The following CELF6 variants were observed in gnomAD, a reference collection of about 807,000 sequenced individuals.
CELF6 encodes the protein CUGBP Elav-like family member 6.
CELF6 carries 32 observed loss-of-function variants against 53.1 expected under a neutral mutation model. That is an observed-to-expected ratio of 0.60 (90% CI 0.46 to 0.81). CELF6 has a LOEUF of 0.81. Ranked by LOEUF, CELF6 falls within the 30% of genes least tolerant of loss-of-function variation. CELF6 has a pLI of 0.00. For synonymous variants in CELF6, 291 were observed against 288.8 expected, an observed-to-expected ratio of 1.01 and a Z score of -0.08; for missense variants, 539 against 669.5, an observed-to-expected ratio of 0.81 and a Z score of 2.15.
chr15:72,293,732 C>G (rs984366227), intron 3 of CELF6, among the ~76,000 whole-genome samples: 18 of 148,434 alleles, frequency 1.2e-4, no homozygotes, highest in African/African-American at 4.2e-4. Context: ...CTTGCTCTGT[C>G]ACCCAAGCTG....
chr15:72,318,500 A>G (rs1443877679), intron 1 of CELF6, among the ~76,000 whole-genome samples: 3 of 152,148 alleles, frequency 2.0e-5, no homozygotes, highest in African/African-American at 7.2e-5. Flanking sequence ...GGAGGAGATA[A>G]GAGTGTTCCT....
At chr15:72,317,858 T>C (rs939791090) in intron 1 of CELF6, among the ~76,000 whole-genome samples, 1 of 152,076 alleles carries the variant, frequency 6.6e-6, no homozygotes, top group Admixed American at 6.6e-5. Flanking sequence ...AGAAGCCCCA[T>C]GTGGACTAGC....
intron 3 of CELF6, 85 bp from the exon 4 acceptor site, chr15:72,290,340 C>A: frequency 6.8e-7 from 1 of 1,475,724 alleles, no homozygotes; most frequent in Non-Finnish European, 9.1e-7. Flanking sequence ...GAAGGCAGCT[C>A]ACCAGTCTCA....
At chr15:72,312,240 C>T (rs544822333) in intron 2 of CELF6, among the ~76,000 whole-genome samples, 3 of 152,018 alleles carry the variant, frequency 2.0e-5, no homozygotes, top group Non-Finnish European at 4.4e-5. Context: ...AAGGAGTTCT[C>T]GAATAGGGAG....
At chr15:72,292,220 C>T in intron 3 of CELF6, 1 of 1,535,470 alleles carries the variant, frequency 6.5e-7, no homozygotes, top group Non-Finnish European at 8.7e-7. Flanking sequence ...GAACAGAGTT[C>T]CAGCTGTTGT....
chr15:72,289,295 C>A lies in CELF6; in HGVS notation c.881-8G>T. On this transcript the variant is annotated splice_polypyrimidine_tract_variant and splice_region_variant and intron_variant, in intron 7 of 12. Coordinates refer to ENST00000287202, the MANE Select transcript of CELF6 (RefSeq NM_052840.5). The surrounding 1 kb of genome is among the most constrained non-coding windows in gnomAD (Gnocchi z 7.6). ...CAGGCGGGGAGTTGGCTGCTGATGG[C>A]GGAAAAGGTCTGAGAGTCAGGCCGC... The A allele has an allele frequency of 6.4e-7, 1 of 1,561,978 alleles. No individual in the cohort carries two copies. The highest frequency in any genetic ancestry group is 8.6e-7 in the Non-Finnish European group (1 of 1,160,336).
At chr15:72,301,986 C>T (rs1403298577) in intron 3 of CELF6, among the ~76,000 whole-genome samples, 4 of 152,094 alleles carry the variant, frequency 2.6e-5, no homozygotes, top group Non-Finnish European at 5.9e-5. Flanking sequence ...CCGCCCGCCT[C>T]GGCCTCCCAA....
At chr15:72,302,393 C>T (rs1201232088) in intron 3 of CELF6, among the ~76,000 whole-genome samples, 3 of 152,224 alleles carry the variant, frequency 2.0e-5, no homozygotes, top group African/African-American at 7.2e-5. Context: ...ATTATGAGTT[C>T]TGCTGCCAGG....
chr15:72,300,272 G>GA (rs1344233180), intron 3 of CELF6, among the ~76,000 whole-genome samples: 3 of 151,314 alleles, frequency 2.0e-5, no homozygotes, highest in Admixed American at 2.0e-4. Context: ...GAGGCAGGGG[G>GA]ATCACTTGAG....
Position 72,319,833 on chromosome 15 carries a change from GGGGCCAGCGGGCTGC to G in CELF6, c.27_41del (p.Gln10_Pro14del). Reference sequence around the variant, plus strand: ...CGGTGCTGAAACCCAGGCGCGGGCCGGGGCCAGCGGGCTGCGCTGACCCTCCCGGCGCCGCGGCCA... The same window carrying G: ...CGGTGCTGAAACCCAGGCGCGGGCCGGCTGACCCTCCCGGCGCCGCGGCCA... On this transcript the variant is annotated inframe_deletion, in exon 1 of 13. Transcript: ENST00000287202. This position sits in a 1 kb window ranked among gnomAD's most constrained non-coding sequence, Gnocchi z 5.0. 1 of 1,546,726 alleles carries G rather than the reference GGGGCCAGCGGGCTGC, an allele frequency of 6.5e-7. No homozygotes were observed. The highest frequency in any genetic ancestry group is 1.2e-5 in the South Asian group (1 of 83,982).
chr15:72,299,902 C>T (rs2088130010), intron 3 of CELF6, among the ~76,000 whole-genome samples: 1 of 152,162 alleles, frequency 6.6e-6, no homozygotes, highest in Non-Finnish European at 1.5e-5. Flanking sequence ...GACCCAGATG[C>T]ACCTCTGGTA....
In CELF6 at chr15:72,319,654, T is replaced by A; in HGVS notation, c.221A>T (p.Glu74Val). The change falls in exon 1 of 13, where the codon GAG (glutamate) becomes GTG (valine). Residue 74 changes from glutamate to valine, a missense_variant. Physicochemically the swap from Glu to Val is moderately radical, Grantham distance 121. This residue lies in a region of CELF6 where 97 missense variants were observed against 168.8 expected (regional missense o/e 0.57). Coordinates refer to ENST00000287202, the MANE Select transcript of CELF6 (RefSeq NM_052840.5). The surrounding 1 kb of genome is among the most constrained non-coding windows in gnomAD (Gnocchi z 5.0). ...GAGCCGGTCCTTCAGCACCGTCAGC[T>A]CGTAGATGCGGCCGAACTCCTCGAA... The part of the protein sequence containing the change: ...PLFEEFGRIY[E>V]LTVLKDRLTG... 1 of 1,575,846 alleles carries A rather than the reference T, an allele frequency of 6.3e-7. No homozygotes were observed. Among genetic ancestry groups the A allele is most frequent in the Non-Finnish European group, 8.6e-7 (1 of 1,159,918 alleles).
chr15:72,314,596 T>TTTTTTTTTTTTTTTTTTTTC (rs2088338827), intron 2 of CELF6, among the ~76,000 whole-genome samples: 1 of 143,120 alleles, frequency 7.0e-6, no homozygotes, highest in Admixed American at 6.9e-5. Context: ...AGTGTTTTTT[T>TTTTTTTTTTTTTTTTTTTTC]TTTTTTTTTT....
chr15:72,313,139 GGTTGTCTCAGGTCACA>G (rs2088319829), intron 2 of CELF6, among the ~76,000 whole-genome samples: 3 of 152,170 alleles, frequency 2.0e-5, no homozygotes, highest in African/African-American at 7.2e-5. Context: ...TCTGCTACCT[GGTTGTCTCAGGTCACA>G]GTACAGTGGT....
intron 2 of CELF6, among the ~76,000 whole-genome samples, chr15:72,313,471 T>A (rs1402387748): frequency 6.6e-6 from 1 of 152,220 alleles, no homozygotes; most frequent in African/African-American, 2.4e-5. Flanking sequence ...GCCCTGTGTC[T>A]TGTGGAGGAG....
chr15:72,289,406 G>A lies in CELF6; in HGVS notation c.849C>T (p.Ser283=). The change falls in exon 7 of 13, where the codon AGC becomes AGT. Residue 283 remains serine, a synonymous_variant. Transcript: ENST00000287202. This position sits in a 1 kb window ranked among gnomAD's most constrained non-coding sequence, Gnocchi z 7.6. ...CGGGCAACAGAGGCGCAGCTACCAG[G>A]CTAAAGGCCGCCACGTGTTGCATCT... The part of the protein sequence containing the change: ...AAQMQHVAAF[S]LVAAPLLPAA... The A allele has an allele frequency of 6.4e-7, 1 of 1,555,128 alleles. No individual in the cohort carries two copies. The highest frequency in any genetic ancestry group is 8.6e-7 in the Non-Finnish European group (1 of 1,158,802).
chr15:72,299,044 C>T (rs1279250928), intron 3 of CELF6, among the ~76,000 whole-genome samples: 1 of 151,872 alleles, frequency 6.6e-6, no homozygotes, highest in Non-Finnish European at 1.5e-5. Context: ...CCCATTTCTA[C>T]TAAAAATGCA....
chr15:72,311,704 T>C (rs922114443), intron 2 of CELF6, among the ~76,000 whole-genome samples: 19 of 152,082 alleles, frequency 1.2e-4, no homozygotes, highest in Admixed American at 3.9e-4. Context: ...ACCCGGCCAA[T>C]GAGACTCATT....
chr15:72,312,020 G>A (rs2088303895), intron 2 of CELF6, among the ~76,000 whole-genome samples: 1 of 152,168 alleles, frequency 6.6e-6, no homozygotes, highest in Non-Finnish European at 1.5e-5. Context: ...CGTTTGAAGG[G>A]ATGGCTTCCC....
Sources: allele counts gnomAD v4.1 joint callset (sites outside exome capture counted in the v4.1 genomes callset), GRCh38; gene constraint gnomAD v4.1.1; regional missense constraint gnomAD v4.1.1; non-coding constraint Gnocchi (gnomAD v3.1); transcripts MANE v1.5; gene names NCBI Gene and HGNC (gene_info 2026-07-23, HGNC 2026-07-21).